NECAB1: variants seen among roughly 807,000 people sequenced by gnomAD.
NECAB1 encodes the protein N-terminal EF-hand calcium-binding protein 1.
A neutral mutation model predicts 57.5 loss-of-function variants in NECAB1; 29 were observed. That is an observed-to-expected ratio of 0.50 (90% CI 0.38 to 0.69). NECAB1 has a LOEUF of 0.69. Among genes scored for constraint, NECAB1 ranks in the 30% least tolerant of loss-of-function variants. The pLI is 0.00. For synonymous variants in NECAB1, 142 were observed against 147.7 expected (o/e 0.96, Z 0.28); for missense variants, 372 against 413.8 (o/e 0.90, Z 0.88).
chr8:90,934,906 A>G (rs1810498873), intron 9 of NECAB1, among the ~76,000 whole-genome samples: 1 of 152,190 alleles, frequency 6.6e-6, no homozygotes, highest in African/African-American at 2.4e-5. Context: ...AGGGATCCTA[A>G]AAAGTACATT....
At chr8:90,899,868 A>G (rs1280829991) in intron 5 of NECAB1, among the ~76,000 whole-genome samples, 1 of 152,198 alleles carries the variant, frequency 6.6e-6, no homozygotes, top group East Asian at 1.9e-4. Flanking sequence ...GAAACAGAAT[A>G]GTTCTGAAAA....
intron 6 of NECAB1, 65 bp downstream of exon 6, chr8:90,917,693 A>T: frequency 6.7e-7 from 1 of 1,484,530 alleles, no homozygotes; most frequent in South Asian, 1.4e-5. Flanking sequence ...AACAATTGAG[A>T]GGCATTGTAC....
At chr8:90,918,531 A>G (rs1284167984) in intron 6 of NECAB1, among the ~76,000 whole-genome samples, 1 of 152,238 alleles carries the variant, frequency 6.6e-6, no homozygotes, top group East Asian at 1.9e-4. Context: ...GAATATTAAA[A>G]GATTAAATAT....
At chr8:90,872,230 C>A in intron 4 of NECAB1, 77 bp downstream of exon 4, 1 of 1,167,014 alleles carries the variant, frequency 8.6e-7, no homozygotes, top group Non-Finnish European at 1.2e-6. Context: ...TATATATCAA[C>A]CTTGGAATTA....
intron 2 of NECAB1, among the ~76,000 whole-genome samples, chr8:90,806,050 T>TG (rs1269629153): frequency 6.6e-6 from 1 of 152,116 alleles, no homozygotes; most frequent in East Asian, 1.9e-4. Flanking sequence ...TTGTGTGGGG[T>TG]GGGGGGCAAG....
intron 8 of NECAB1, among the ~76,000 whole-genome samples, chr8:90,931,896 T>C (rs1407530623): frequency 2.7e-5 from 4 of 149,396 alleles, no homozygotes; most frequent in Non-Finnish European, 5.9e-5. Flanking sequence ...AGAGTAAAAC[T>C]CCATCTCAAA....
At chr8:90,900,010 G>A (rs1351848551) in intron 5 of NECAB1, among the ~76,000 whole-genome samples, 1 of 152,132 alleles carries the variant, frequency 6.6e-6, no homozygotes, top group African/African-American at 2.4e-5. Flanking sequence ...AGCACTCAAT[G>A]GGGAGCCTTG....
chr8:90,896,607 A>AC (rs1221031574), intron 5 of NECAB1, among the ~76,000 whole-genome samples: 27 of 143,038 alleles, frequency 1.9e-4, no homozygotes, highest in Middle Eastern at 3.6e-3. Context: ...TCCGTCTCAA[A>AC]AAAAAACAAA....
At chr8:90,804,383 G>A (rs1811813977) in intron 2 of NECAB1, among the ~76,000 whole-genome samples, 1 of 151,846 alleles carries the variant, frequency 6.6e-6, no homozygotes, top group Non-Finnish European at 1.5e-5. Flanking sequence ...GGAGTAGGGA[G>A]GTAATAGTTG....
At chr8:90,799,614 C>T (rs1335420144) in intron 1 of NECAB1, among the ~76,000 whole-genome samples, 1 of 152,270 alleles carries the variant, frequency 6.6e-6, no homozygotes, top group South Asian at 2.1e-4. Context: ...GATCAGCTGG[C>T]TGTAAGTGTA....
Position 90,906,089 on chromosome 8 carries a change from C to G in NECAB1, c.358-11403C>G, listed in dbSNP as rs1372017101. The stretch of plus-strand genomic sequence containing the variant: ...TATGTGCGGGTAGATTGGCATTTTT[C>G]CACTATTAGTTTATACTTGGCTGAT... On this transcript the variant is annotated intron_variant, in intron 5 of 12. Coordinates refer to ENST00000417640, the MANE Select transcript of NECAB1 (RefSeq NM_022351.5). Among the ~76,000 whole-genome samples the G allele has an allele frequency of 2.6e-5, 4 of 151,932 alleles. No individual in the cohort carries two copies. The East Asian group carries it at 7.7e-4, about 29-fold the overall frequency.
intron 5 of NECAB1, among the ~76,000 whole-genome samples, chr8:90,889,757 G>A (rs1379655529): frequency 3.9e-5 from 6 of 152,182 alleles, no homozygotes; most frequent in Non-Finnish European, 8.8e-5. Flanking sequence ...TGTAAAGAGA[G>A]AGATGGGCTG....
In NECAB1 at chr8:90,925,525, G is replaced by T; in HGVS notation, c.495-10G>T. ...AACATTAAGGTTAAATGTTATCTCT[G>T]TTGATCAAGGCAAGGGCCAGCCAAG... is the stretch of plus-strand genomic sequence containing the variant. On this transcript the variant is annotated splice_polypyrimidine_tract_variant and intron_variant, in intron 6 of 12. Transcript: ENST00000417640. 1.2e-6 allele frequency: 2 copies of T among 1,611,280 alleles called. No homozygotes were observed. Among genetic ancestry groups the T allele is most frequent in the Non-Finnish European group, 1.7e-6 (2 of 1,178,760 alleles).
In NECAB1 at chr8:90,872,139, C is replaced by A; in HGVS notation, c.245C>A (p.Thr82Lys). 1 of 1,547,492 alleles carries A rather than the reference C, an allele frequency of 6.5e-7. No individual in the cohort carries two copies. The highest frequency in any genetic ancestry group is 1.2e-5 in the South Asian group (1 of 82,006). Residue 82 changes from threonine to lysine, a missense_variant, in exon 4 of 13, where the codon ACA becomes AAA. Transcript: ENST00000417640. ...TTTCATCTTTTCAGTAATCTTGACA[C>A]AGAAGAGCTATGTGGTAAGTGTTTC... ...IDTHNTNNLDTEELCEYFSQH... is the reference protein window; with the variant it reads ...IDTHNTNNLDKEELCEYFSQH...
intron 4 of NECAB1, among the ~76,000 whole-genome samples, chr8:90,875,854 A>AAG (rs1229059081): frequency 4.6e-3 from 3 of 654 alleles, no homozygotes; most frequent in African/African-American, 7.9e-3. Context: ...CAAAAAAAAA[A>AAG]AAAAAAATTA....
At chr8:90,863,523 T>TA (rs1203816098) in intron 3 of NECAB1, among the ~76,000 whole-genome samples, 2 of 152,130 alleles carry the variant, frequency 1.3e-5, no homozygotes, top group Non-Finnish European at 2.9e-5. Context: ...TTTGTATACT[T>TA]ACAAAAATAT....
At chr8:90,854,279 G>A (rs974405773) in intron 3 of NECAB1, among the ~76,000 whole-genome samples, 4 of 151,990 alleles carry the variant, frequency 2.6e-5, no homozygotes, top group Admixed American at 2.0e-4. Flanking sequence ...GCTTAATGCT[G>A]AGAAAGGGAG....
chr8:90,814,541 T>A (rs1459597154), intron 2 of NECAB1, among the ~76,000 whole-genome samples: 2 of 152,240 alleles, frequency 1.3e-5, no homozygotes, highest in African/African-American at 4.8e-5. Flanking sequence ...TTTATTTATT[T>A]AACATTTATT....
chr8:90,933,385 A>G (rs1810456397), intron 8 of NECAB1, among the ~76,000 whole-genome samples: 1 of 152,208 alleles, frequency 6.6e-6, no homozygotes. Flanking sequence ...ACGATGGAAT[A>G]CTACTCAGCC....
Sources: gnomAD v4.1 joint callset for allele counts (sites outside exome capture counted in the v4.1 genomes callset) on GRCh38, gnomAD v4.1.1 for gene constraint, MANE v1.5 for transcripts, NCBI Gene and HGNC (gene_info 2026-07-23, HGNC 2026-07-21) for gene names.